ZFAND3: variants seen among roughly 807,000 people sequenced by gnomAD.
ZFAND3 encodes AN1-type zinc finger protein 3.
A neutral mutation model predicts 29.6 loss-of-function variants in ZFAND3; 10 were observed. The observed-to-expected ratio is 0.34, with a 90% CI of 0.21 to 0.57. The LOEUF is 0.57. Ranked by LOEUF, ZFAND3 falls within the 20% of genes least tolerant of loss-of-function variation. The pLI, the probability that ZFAND3 is intolerant of heterozygous loss-of-function variation, is 0.86. For synonymous variants in ZFAND3, 128 were observed against 112.6 expected (o/e 1.14, Z -0.87); for missense variants, 230 against 304.5 (o/e 0.76, Z 1.82).
intron 2 of ZFAND3, among the ~76,000 whole-genome samples, chr6:38,054,607 C>A (rs1193060299): frequency 3.9e-5 from 6 of 151,988 alleles, no homozygotes; most frequent in Admixed American, 3.9e-4. Flanking sequence ...GGGTGAGAAT[C>A]TGATAGGTAA....
At chr6:38,151,207 C>G (rs995192160) in intron 5 of ZFAND3, among the ~76,000 whole-genome samples, 2 of 152,232 alleles carry the variant, frequency 1.3e-5, no homozygotes, top group African/African-American at 4.8e-5. Context: ...CAGCCCTCCC[C>G]TCCTTGTTCC....
chr6:38,048,621 C>CAAAAAGAAAAAA lies in ZFAND3; in HGVS notation c.113-12967_113-12966insGAAAAAAAAAAA, dbSNP rs71542158. ...TGGGTGACAGAGTGAGACTCCGTCT[C>CAAAAAGAAAAAA]AAAAAAAAAAAAATTCAATGCCTGT... On this transcript the variant is annotated intron_variant, in intron 2 of 5. Transcript: ENST00000287218. 1.1e-4 allele frequency among the ~76,000 whole-genome samples: 6 copies of CAAAAAGAAAAAA among 56,284 alleles called. 1 individual carries two copies. Among genetic ancestry groups the CAAAAAGAAAAAA allele is most frequent in the African/African-American group, 1.7e-4 (2 of 11,522 alleles). The allele number at this position is 56,284 out of a possible 152,430, so 36.9% of individuals were successfully genotyped here.
chr6:37,927,317 A>G (rs775411288), intron 1 of ZFAND3, among the ~76,000 whole-genome samples: 15 of 152,198 alleles, frequency 9.9e-5, no homozygotes, highest in Non-Finnish European at 1.9e-4. Flanking sequence ...CTGCTGGGCA[A>G]TTGGGAGTAG....
chr6:38,050,027 T>G (rs1358412936), intron 2 of ZFAND3, among the ~76,000 whole-genome samples: 1 of 149,252 alleles, frequency 6.7e-6, no homozygotes, highest in Non-Finnish European at 1.5e-5. Flanking sequence ...CAATCTTGGC[T>G]TTCTGCAACT....
chr6:38,126,733 A>G (rs1765641703), intron 5 of ZFAND3, among the ~76,000 whole-genome samples: 2 of 152,224 alleles, frequency 1.3e-5, no homozygotes, highest in South Asian at 4.2e-4. Context: ...TAAAATTTTA[A>G]CCATGTTTAC....
At chr6:37,908,525 TAATTAAAAAAAAA>T (rs1765450824) in intron 1 of ZFAND3, among the ~76,000 whole-genome samples, 1 of 70,582 alleles carries the variant, frequency 1.4e-5, no homozygotes, top group Non-Finnish European at 3.2e-5. Flanking sequence ...ACTTAAAGTA[TAATTAAAAAAAAA>T]AATTAAAAAA....
chr6:37,877,874 G>A (rs1764822176), intron 1 of ZFAND3, among the ~76,000 whole-genome samples: 1 of 152,212 alleles, frequency 6.6e-6, no homozygotes, highest in African/African-American at 2.4e-5. Flanking sequence ...TTTATTTTAA[G>A]TGAAGCAGAC....
intron 5 of ZFAND3, among the ~76,000 whole-genome samples, chr6:38,119,334 GA>G (rs1450277577): frequency 6.6e-6 from 1 of 152,162 alleles, no homozygotes; most frequent in Admixed American, 6.5e-5. Flanking sequence ...TTAGAGGGGG[GA>G]TAACACAGTA....
Position 38,094,486 on chromosome 6 carries a change from G to A in ZFAND3, c.361+12029G>A, listed in dbSNP as rs186454855. Among the ~76,000 whole-genome samples, 24 of 152,322 alleles carry A rather than the reference G, an allele frequency of 1.6e-4. 1 individual carries two copies. In the East Asian group the frequency reaches 4.6e-3, roughly 29 times the overall value. On this transcript the variant is annotated intron_variant, in intron 4 of 5. Transcript: ENST00000287218. ...TGATCCTACTCCACAAAGCTGACCA[G>A]TGTTTCTCTCTTGACAGTTTTAGTA...
intron 2 of ZFAND3, among the ~76,000 whole-genome samples, chr6:37,953,768 T>C (rs1169861433): frequency 2.0e-5 from 3 of 152,136 alleles, no homozygotes; most frequent in Non-Finnish European, 2.9e-5. Flanking sequence ...CAATTATCTT[T>C]TAAAGAGATT....
chr6:38,079,595 C>A (rs145934441), intron 3 of ZFAND3, among the ~76,000 whole-genome samples: 191 of 152,220 alleles, frequency 1.3e-3, no homozygotes, highest in Admixed American at 3.3e-3. Context: ...TTGACAGTTT[C>A]TCCTTTCTTA....
chr6:37,917,824 G>T (rs17434150), intron 1 of ZFAND3, among the ~76,000 whole-genome samples: 7,406 of 152,210 alleles, frequency 0.049, 234 homozygotes, highest in Non-Finnish European at 0.07. Flanking sequence ...AACTCCCTGA[G>T]AATGGCCTAG....
At position 38,152,225 on chromosome 6, in the gene ZFAND3, G is replaced by A. The variant is rs1451617253; in HGVS notation, c.530-10G>A. On this transcript the variant is annotated splice_polypyrimidine_tract_variant and intron_variant, in intron 5 of 5. Transcript: ENST00000287218. The stretch of plus-strand genomic sequence containing the variant: ...ACACACTCTTTCCTCTGCTTCTCCC[G>A]CTGCTGCAGGTTATGTGTTCTGTAT... The A allele has an allele frequency of 4.7e-6, 7 of 1,493,914 alleles. No homozygotes were observed. The highest frequency in any genetic ancestry group is 5.4e-6 in the Non-Finnish European group (6 of 1,117,790). The allele number at this position is 1,493,914 out of a possible 1,614,324, so 92.5% of individuals were successfully genotyped here. A position where few individuals can be genotyped will look rare whatever the true frequency, so the allele number is the denominator to read the frequency against.
chr6:37,908,231 C>A (rs1765445414), intron 1 of ZFAND3, among the ~76,000 whole-genome samples: 1 of 152,132 alleles, frequency 6.6e-6, no homozygotes, highest in African/African-American at 2.4e-5. Flanking sequence ...TTAGGTTAAA[C>A]ATTTTGACAA....
intron 2 of ZFAND3, among the ~76,000 whole-genome samples, chr6:38,006,490 C>G (rs1291377696): frequency 1.3e-5 from 2 of 151,948 alleles, no homozygotes; most frequent in Admixed American, 1.3e-4. Flanking sequence ...TGTCCTCATT[C>G]AGTATTATTA....
At chr6:38,129,949 G>C (rs535048944) in intron 5 of ZFAND3, among the ~76,000 whole-genome samples, 1 of 152,264 alleles carries the variant, frequency 6.6e-6, no homozygotes, top group East Asian at 1.9e-4. Context: ...ACCCATCCAT[G>C]AGCATGGGAT....
At chr6:37,988,936 GCT>G (rs1245764423) in intron 2 of ZFAND3, among the ~76,000 whole-genome samples, 13 of 151,010 alleles carry the variant, frequency 8.6e-5, no homozygotes, top group Non-Finnish European at 1.8e-4. Flanking sequence ...ACAGAGTCTT[GCT>G]CTGTCACCCA....
intron 2 of ZFAND3, among the ~76,000 whole-genome samples, chr6:38,027,043 C>G (rs1763464913): frequency 6.6e-6 from 1 of 152,138 alleles, no homozygotes; most frequent in Admixed American, 6.5e-5. Context: ...AATATTTTCC[C>G]CAGTCCACGA....
intron 2 of ZFAND3, among the ~76,000 whole-genome samples, chr6:38,050,574 T>G (rs1449478431): frequency 1.3e-5 from 2 of 152,186 alleles, no homozygotes; most frequent in African/African-American, 4.8e-5. Context: ...GGCACTTCTC[T>G]CCTGCCACCT....
Sources: allele counts gnomAD v4.1 joint callset (sites outside exome capture counted in the v4.1 genomes callset), GRCh38; gene constraint gnomAD v4.1.1; transcripts MANE v1.5; gene names NCBI Gene and HGNC (gene_info 2026-07-23, HGNC 2026-07-21).